Variants in CHSY3 observed in about 807,000 individuals in gnomAD.
CHSY3 encodes chondroitin sulfate synthase 3, also known as N-acetylgalactosaminyl-proteoglycan 3-beta-glucuronosyltransferase 3.
In CHSY3, 35 loss-of-function variants were observed where a neutral mutation model predicts 67.2. The ratio of observed to expected loss-of-function variants is 0.52; its 90% CI spans 0.40 to 0.69. The LOEUF (loss-of-function observed/expected upper bound fraction) is 0.69, where lower values mean the gene tolerates loss of function less well. Among genes scored for constraint, CHSY3 ranks in the 30% least tolerant of loss-of-function variants. The pLI is 0.00. For missense variants in CHSY3, 1,069 were observed against 1,138.5 expected (o/e 0.94, Z 0.88); for synonymous variants, 474 against 434.7 (o/e 1.09, Z -1.12).
intron 2 of CHSY3, among the ~76,000 whole-genome samples, chr5:130,116,442 A>G (rs547637106): frequency 2.1e-4 from 32 of 152,346 alleles, no homozygotes; most frequent in Middle Eastern, 6.8e-3. Context: ...CCTATGGACT[A>G]TACAATAATT....
At chr5:130,147,565 A>G (rs528436283) in intron 2 of CHSY3, among the ~76,000 whole-genome samples, 9 of 152,170 alleles carry the variant, frequency 5.9e-5, no homozygotes, top group Non-Finnish European at 1.0e-4. Flanking sequence ...CCATTCTTAC[A>G]TTGCTATAAA....
intron 2 of CHSY3, among the ~76,000 whole-genome samples, chr5:130,080,636 A>G (rs879192057): frequency 6.6e-6 from 1 of 152,216 alleles, no homozygotes; most frequent in East Asian, 1.9e-4. Flanking sequence ...TTTTAAAAAG[A>G]CTATCTTCAT....
intron 2 of CHSY3, among the ~76,000 whole-genome samples, chr5:130,181,804 T>A (rs1367705773): frequency 6.6e-6 from 1 of 152,182 alleles, no homozygotes; most frequent in African/African-American, 2.4e-5. Context: ...GTATATGGCT[T>A]CTTTCATTTT....
chr5:130,066,335 G>A (rs1266282591), intron 2 of CHSY3, among the ~76,000 whole-genome samples: 2 of 152,026 alleles, frequency 1.3e-5, no homozygotes, highest in Non-Finnish European at 2.9e-5. Flanking sequence ...TGAATCCAGA[G>A]AGGCCACTGA....
chr5:130,030,952 A>G (rs1764686599), intron 2 of CHSY3, among the ~76,000 whole-genome samples: 1 of 152,106 alleles, frequency 6.6e-6, no homozygotes, highest in Non-Finnish European at 1.5e-5. Context: ...CCTACAAATC[A>G]GGGATAGTTT....
chr5:129,933,049 A>AAAATGCTTT (rs1277664817), intron 2 of CHSY3, among the ~76,000 whole-genome samples: 1 of 152,210 alleles, frequency 6.6e-6, no homozygotes, highest in African/African-American at 2.4e-5. Context: ...ACAGATCTAA[A>AAAATGCTTT]AAATGCTTTA....
intron 2 of CHSY3, among the ~76,000 whole-genome samples, chr5:129,913,764 A>G (rs1445901349): frequency 1.3e-5 from 2 of 152,184 alleles, no homozygotes; most frequent in African/African-American, 4.8e-5. Context: ...GTTATTTCAA[A>G]GACAGCAGGG....
intron 2 of CHSY3, among the ~76,000 whole-genome samples, chr5:130,080,293 C>T (rs1209093451): frequency 6.6e-6 from 1 of 152,010 alleles, no homozygotes; most frequent in East Asian, 1.9e-4. Flanking sequence ...CTCCATGGGT[C>T]TGTGGCTCCT....
chr5:130,127,525 A>G (rs931905373), intron 2 of CHSY3, among the ~76,000 whole-genome samples: 2 of 152,188 alleles, frequency 1.3e-5, no homozygotes, highest in African/African-American at 4.8e-5. Flanking sequence ...AACGTTCTAG[A>G]ACATATCTTG....
At chr5:130,095,154 A>C (rs1767003220) in intron 2 of CHSY3, among the ~76,000 whole-genome samples, 1 of 152,216 alleles carries the variant, frequency 6.6e-6, no homozygotes, top group Non-Finnish European at 1.5e-5. Flanking sequence ...ATAGATGCTT[A>C]CATATGCATG....
At chr5:130,015,886 G>A (rs964838434) in intron 2 of CHSY3, among the ~76,000 whole-genome samples, 9 of 152,126 alleles carry the variant, frequency 5.9e-5, no homozygotes, top group Admixed American at 5.9e-4. Context: ...TATACTCCAC[G>A]GAATACTACA....
chr5:129,959,811 A>G (rs562410754), intron 2 of CHSY3, among the ~76,000 whole-genome samples: 3 of 152,202 alleles, frequency 2.0e-5, no homozygotes, highest in African/African-American at 7.2e-5. Context: ...AGTTTAAGGT[A>G]CTGTTTTCTT....
At chr5:129,922,202 A>G (rs776062504) in intron 2 of CHSY3, among the ~76,000 whole-genome samples, 3 of 152,206 alleles carry the variant, frequency 2.0e-5, no homozygotes, top group Non-Finnish European at 4.4e-5. Context: ...TCCATTGCAT[A>G]CATGTAGCAC....
chr5:130,002,522 C>G (rs1763756779), intron 2 of CHSY3, among the ~76,000 whole-genome samples: 1 of 152,102 alleles, frequency 6.6e-6, no homozygotes, highest in South Asian at 2.1e-4. Context: ...AAGGCAGCCC[C>G]CATCCTGGCT....
At chr5:130,137,696 A>G (rs1449604038) in intron 2 of CHSY3, among the ~76,000 whole-genome samples, 2 of 152,224 alleles carry the variant, frequency 1.3e-5, no homozygotes, top group Non-Finnish European at 1.5e-5. Context: ...AGTCTTAGAT[A>G]TAAAATTTAA....
intron 2 of CHSY3, among the ~76,000 whole-genome samples, chr5:130,020,461 A>G (rs959893576): frequency 1.3e-5 from 1 of 79,934 alleles, no homozygotes; most frequent in Non-Finnish European, 2.2e-5. Flanking sequence ...ATATATATAT[A>G]TTTTTTTTTT....
chr5:130,044,519 G>C (rs544114886), intron 2 of CHSY3, among the ~76,000 whole-genome samples: 1 of 152,108 alleles, frequency 6.6e-6, no homozygotes, highest in African/African-American at 2.4e-5. Context: ...ATAGTTGCTG[G>C]AGAGAATATG....
At chr5:129,995,974 C>T (rs9637891) in intron 2 of CHSY3, among the ~76,000 whole-genome samples, 90,910 of 151,686 alleles carry the variant, frequency 0.6, 27,497 homozygotes, top group African/African-American at 0.67. Context: ...TCTCTCTCCA[C>T]CTTTCAATTT....
At chr5:130,178,253 ATTTTT>A (rs10699248) in intron 2 of CHSY3, among the ~76,000 whole-genome samples, 3 of 45,910 alleles carry the variant, frequency 6.5e-5, no homozygotes, top group African/African-American at 3.0e-4. Flanking sequence ...ATATATATAT[ATTTTT>A]TTTTTTTTTT....
Sources: gnomAD v4.1 joint callset for allele counts (sites outside exome capture counted in the v4.1 genomes callset) on GRCh38, gnomAD v4.1.1 for gene constraint, MANE v1.5 for transcripts, NCBI Gene and HGNC (gene_info 2026-07-23, HGNC 2026-07-21) for gene names.